CSMD1: variants seen among roughly 807,000 people sequenced by gnomAD.
CSMD1 encodes CUB and sushi domain-containing protein 1.
CSMD1 carries 213 observed loss-of-function variants against 417.5 expected under a neutral mutation model. The observed-to-expected ratio is 0.51, with a 90% CI of 0.46 to 0.57. The LOEUF (loss-of-function observed/expected upper bound fraction) is 0.57, where lower values mean the gene tolerates loss of function less well. CSMD1 is among the 20% of genes least tolerant of loss of function. The pLI, the probability that CSMD1 is intolerant of heterozygous loss-of-function variation, is 0.00. For missense variants in CSMD1, 6,923 were observed against 4,529.7 expected (o/e 1.53, Z -15.17); for synonymous variants, 2,862 against 1,736.8 (o/e 1.65, Z -16.11).
intron 33 of CSMD1, among the ~76,000 whole-genome samples, chr8:3,199,111 T>C (rs191082513): frequency 3.3e-5 from 5 of 152,204 alleles, no homozygotes; most frequent in Non-Finnish European, 5.9e-5. Flanking sequence ...GAAAATTCTT[T>C]ACTTTGCAGA....
At chr8:4,356,535 A>C (rs1316808076) in intron 3 of CSMD1, among the ~76,000 whole-genome samples, 1 of 152,168 alleles carries the variant, frequency 6.6e-6, no homozygotes, top group Non-Finnish European at 1.5e-5. Context: ...TTGAAGTCTT[A>C]GAGTATTTTA....
intron 3 of CSMD1, among the ~76,000 whole-genome samples, chr8:4,204,369 C>A (rs1164411269): frequency 6.6e-6 from 1 of 151,924 alleles, no homozygotes; most frequent in African/African-American, 2.4e-5. Flanking sequence ...AAACTGACAA[C>A]ATCATTTGAT....
Position 3,205,592 on chromosome 8 carries a change from T to C in CSMD1, c.4896A>G (p.Ser1632=), listed in dbSNP as rs1178253343. 5 of 1,587,240 alleles carry C rather than the reference T, an allele frequency of 3.2e-6. No homozygotes were observed. In the African/African-American group the frequency reaches 4.0e-5, roughly 13 times the overall value. Residue 1632 remains serine (S), a synonymous_variant, in exon 31 of 70, where the codon TCA becomes TCG. Coordinates refer to ENST00000635120, the MANE Select transcript of CSMD1 (RefSeq NM_033225.6). ...NAPCGGQYTG[S]EGVVLSPNYP... ...AGTTTGGTGATAAAACTACCCCTTCTGATCCCGTGTACTGGCCTCCACAGG... is the reference window on the plus strand; with the variant it reads ...AGTTTGGTGATAAAACTACCCCTTCCGATCCCGTGTACTGGCCTCCACAGG...
At chr8:4,381,306 G>A (rs566782620) in intron 3 of CSMD1, among the ~76,000 whole-genome samples, 7 of 152,208 alleles carry the variant, frequency 4.6e-5, no homozygotes, top group South Asian at 2.1e-4. Flanking sequence ...CCACTGGGTG[G>A]GGAATTGCAC....
chr8:2,955,317 C>G (rs1802922020), intron 64 of CSMD1, among the ~76,000 whole-genome samples: 1 of 152,184 alleles, frequency 6.6e-6, no homozygotes, highest in African/African-American at 2.4e-5. Flanking sequence ...TAGCTTTTCT[C>G]TTTTGGCTTG....
At chr8:3,291,533 C>T (rs550763329) in intron 25 of CSMD1, among the ~76,000 whole-genome samples, 187 of 152,270 alleles carry the variant, frequency 1.2e-3, no homozygotes, top group Non-Finnish European at 1.5e-3. Context: ...AGAGATTCAA[C>T]TTCTTCCTGG....
chr8:3,739,952 CAG>C (rs1348724553), intron 6 of CSMD1, among the ~76,000 whole-genome samples: 6 of 152,110 alleles, frequency 3.9e-5, no homozygotes, highest in Non-Finnish European at 1.5e-5. Flanking sequence ...AAACTAATGC[CAG>C]AGTTCGATTC....
At chr8:3,840,440 G>A (rs1803053174) in intron 5 of CSMD1, among the ~76,000 whole-genome samples, 1 of 152,088 alleles carries the variant, frequency 6.6e-6, no homozygotes, top group Non-Finnish European at 1.5e-5. Flanking sequence ...TGTGTTAGTA[G>A]CAAGAGTACC....
chr8:3,834,832 A>T (rs12544704), intron 5 of CSMD1, among the ~76,000 whole-genome samples: 1 of 151,910 alleles, frequency 6.6e-6, no homozygotes, highest in Non-Finnish European at 1.5e-5. Flanking sequence ...ACAAAGGGCT[A>T]ATATCCAGAA....
chr8:4,753,470 T>C (rs906375819), intron 1 of CSMD1, among the ~76,000 whole-genome samples: 1 of 151,246 alleles, frequency 6.6e-6, no homozygotes, highest in Non-Finnish European at 1.5e-5. Flanking sequence ...CCTTTGTGTC[T>C]TATGAATTTT....
intron 1 of CSMD1, among the ~76,000 whole-genome samples, chr8:4,702,634 A>C (rs1381452711): frequency 6.6e-6 from 1 of 152,180 alleles, no homozygotes; most frequent in Non-Finnish European, 1.5e-5. Flanking sequence ...GAACACACTG[A>C]GAATCACAAA....
At chr8:3,991,960 A>G (rs570003474) in intron 5 of CSMD1, among the ~76,000 whole-genome samples, 25 of 151,478 alleles carry the variant, frequency 1.7e-4, no homozygotes, top group African/African-American at 6.1e-4. Flanking sequence ...CTCGGTGATT[A>G]TTAAATGTTT....
At chr8:4,551,521 C>T (rs1166176880) in intron 2 of CSMD1, among the ~76,000 whole-genome samples, 3 of 152,150 alleles carry the variant, frequency 2.0e-5, no homozygotes, top group African/African-American at 4.8e-5. Context: ...ATGCTACCTG[C>T]CCAACCATCC....
chr8:3,530,478 C>T (rs977786157), intron 10 of CSMD1, among the ~76,000 whole-genome samples: 8 of 152,124 alleles, frequency 5.3e-5, no homozygotes, highest in Admixed American at 2.6e-4. Context: ...TTTCCTTCTG[C>T]TATTAAACTA....
chr8:4,185,557 C>A (rs1282034632), intron 3 of CSMD1, among the ~76,000 whole-genome samples: 1 of 152,090 alleles, frequency 6.6e-6, no homozygotes, highest in East Asian at 1.9e-4. Context: ...AATTTTTTAA[C>A]ACACAAATGG....
chr8:4,978,048 C>T (rs1584945180), intron 1 of CSMD1, among the ~76,000 whole-genome samples: 1 of 152,180 alleles, frequency 6.6e-6, no homozygotes, highest in African/African-American at 2.4e-5. Context: ...CTTTTACAGC[C>T]AGACTCAGCA....
At chr8:4,787,092 G>T (rs983143661) in intron 1 of CSMD1, among the ~76,000 whole-genome samples, 3 of 152,148 alleles carry the variant, frequency 2.0e-5, no homozygotes, top group Non-Finnish European at 4.4e-5. Context: ...CTGATAGCAG[G>T]GTGATACTCG....
In CSMD1 at chr8:3,724,740, G is replaced by A. The variant is rs113987801; in HGVS notation, c.932-16249C>T. On this transcript the variant is annotated intron_variant, in intron 6 of 69. Coordinates refer to ENST00000635120, the MANE Select transcript of CSMD1 (RefSeq NM_033225.6). ...TACACTGCCTTCTAAGTGAAAATTA[G>A]TATTTTCTTCTGTTATGAGTGTAAG... 5.0e-4 allele frequency among the ~76,000 whole-genome samples: 76 copies of A among 152,268 alleles called. 1 individual carries two copies. In the South Asian group the frequency reaches 6.4e-3, roughly 13 times the overall value.
intron 26 of CSMD1, among the ~76,000 whole-genome samples, chr8:3,247,819 C>T (rs530320363): frequency 1.3e-5 from 2 of 152,320 alleles, no homozygotes; most frequent in East Asian, 3.9e-4. Flanking sequence ...AATGAAACCT[C>T]CAATCTACTG....
Sources: allele counts gnomAD v4.1 joint callset (sites outside exome capture counted in the v4.1 genomes callset), GRCh38; gene constraint gnomAD v4.1.1; transcripts MANE v1.5; gene names NCBI Gene and HGNC (gene_info 2026-07-23, HGNC 2026-07-21).